FRMD3: variants seen among roughly 807,000 people sequenced by gnomAD.
FRMD3 encodes FERM domain-containing protein 3.
A neutral mutation model predicts 70.2 loss-of-function variants in FRMD3; 33 were observed. That is an observed-to-expected ratio of 0.47 (90% CI 0.36 to 0.63). The LOEUF (loss-of-function observed/expected upper bound fraction) is 0.63, where lower values mean the gene tolerates loss of function less well. Among genes scored for constraint, FRMD3 ranks in the 20% least tolerant of loss-of-function variants. FRMD3 has a pLI of 0.00. For synonymous variants in FRMD3, 279 were observed against 255.9 expected (o/e 1.09, Z -0.86); for missense variants, 632 against 711.4 (o/e 0.89, Z 1.27).
At chr9:83,325,693 T>A (rs930254700) in intron 6 of FRMD3, among the ~76,000 whole-genome samples, 1 of 152,144 alleles carries the variant, frequency 6.6e-6, no homozygotes, top group Non-Finnish European at 1.5e-5. Context: ...ATAAGGCAAT[T>A]CACTCCAGGT....
chr9:83,502,445 A>C (rs1829089694), intron 1 of FRMD3, among the ~76,000 whole-genome samples: 1 of 152,224 alleles, frequency 6.6e-6, no homozygotes, highest in Non-Finnish European at 1.5e-5. Context: ...ATTTTATGAA[A>C]AGAAATGAGT....
intron 1 of FRMD3, among the ~76,000 whole-genome samples, chr9:83,438,087 T>C (rs937449448): frequency 7.9e-5 from 12 of 152,120 alleles, no homozygotes; most frequent in Admixed American, 3.9e-4. Flanking sequence ...GGCTAAAAAT[T>C]TCTGCTAAAT....
chr9:83,336,179 A>G (rs1354906902), intron 5 of FRMD3, among the ~76,000 whole-genome samples: 1 of 152,162 alleles, frequency 6.6e-6, no homozygotes, highest in Non-Finnish European at 1.5e-5. Context: ...CTGAGAGGGT[A>G]GCTTTTAATT....
At chr9:83,574,594 C>T in the FRMD3 span, among the ~76,000 whole-genome samples, 1 of 152,110 alleles carries the variant, frequency 6.6e-6, no homozygotes, top group South Asian at 2.1e-4. Context: ...GAGGAATTTT[C>T]TCACCTTCTT....
chr9:83,356,271 A>ACTTTTTTTTTTTTTT (rs1824333048), intron 3 of FRMD3, among the ~76,000 whole-genome samples: 2 of 94,462 alleles, frequency 2.1e-5, no homozygotes, highest in African/African-American at 9.3e-5. Flanking sequence ...ACTCAGCAGC[A>ACTTTTTTTTTTTTTT]TTTTTTTTTT....
chr9:83,577,117 T>C, the FRMD3 span, among the ~76,000 whole-genome samples: 1,464 of 152,236 alleles, frequency 9.6e-3, 25 homozygotes, highest in African/African-American at 0.034. Flanking sequence ...TGTTGATATA[T>C]TGGAAGAATA....
At chr9:83,366,118 A>C (rs1370294999) in intron 3 of FRMD3, among the ~76,000 whole-genome samples, 1 of 152,202 alleles carries the variant, frequency 6.6e-6, no homozygotes, top group Non-Finnish European at 1.5e-5. Flanking sequence ...GACAGTACTT[A>C]AGTTTCTCTG....
intron 6 of FRMD3, among the ~76,000 whole-genome samples, chr9:83,324,642 A>G (rs1730282908): frequency 6.6e-6 from 1 of 152,234 alleles, no homozygotes; most frequent in African/African-American, 2.4e-5. Context: ...ATACATATGC[A>G]GAGCTATCTT....
intron 1 of FRMD3, among the ~76,000 whole-genome samples, chr9:83,536,922 T>C (rs1227731031): frequency 1.2e-5 from 1 of 81,512 alleles, no homozygotes; most frequent in Non-Finnish European, 2.3e-5. Context: ...GTGTGCCCTG[T>C]ATTACACTAA....
chr9:83,307,953 C>T (rs1419132816), intron 10 of FRMD3, among the ~76,000 whole-genome samples: 4 of 152,106 alleles, frequency 2.6e-5, no homozygotes, highest in Non-Finnish European at 5.9e-5. Flanking sequence ...GTAGATTTTC[C>T]GAAGGCCAAC....
Position 83,389,698 on chromosome 9 carries a change from T to C in FRMD3, c.158A>G (p.Lys53Arg), listed in dbSNP as rs145028837. 5 of 1,613,160 alleles carry C rather than the reference T, an allele frequency of 3.1e-6. No homozygotes were observed. The African/African-American group carries it at 6.7e-5, about 22-fold the overall frequency. ...EISCHIQRETKGQFLIDHICN... is the reference protein window; with the variant it reads ...EISCHIQRETRGQFLIDHICN... ...GATGTGGTCAATGAGAAACTGCCCT[T>C]TGGTTTCCCTCTGCAAAGGAAGCAC... Residue 53 changes from lysine (K) to arginine (R), a missense_variant, in exon 2 of 14, where the codon AAA (lysine) becomes AGA (arginine). This residue lies in a region of FRMD3 where 208 missense variants were observed against 247.7 expected (regional missense o/e 0.84). Coordinates refer to ENST00000304195, the MANE Select transcript of FRMD3 (RefSeq NM_174938.6).
At chr9:83,417,328 C>T (rs1826486911) in intron 1 of FRMD3, among the ~76,000 whole-genome samples, 2 of 152,148 alleles carry the variant, frequency 1.3e-5, no homozygotes, top group African/African-American at 4.8e-5. Context: ...ACCATGCCTG[C>T]TCTCAGGGAG....
intron 1 of FRMD3, among the ~76,000 whole-genome samples, chr9:83,497,592 C>T (rs1828969812): frequency 6.6e-6 from 1 of 152,232 alleles, no homozygotes; most frequent in Admixed American, 6.5e-5. Context: ...AGCCTTCTTG[C>T]AGTTGGCAGG....
At chr9:83,484,462 G>C (rs1028915240) in intron 1 of FRMD3, among the ~76,000 whole-genome samples, 1 of 152,176 alleles carries the variant, frequency 6.6e-6, no homozygotes, top group African/African-American at 2.4e-5. Context: ...CTGTCACCCA[G>C]GCTGGAGTGC....
intron 13 of FRMD3, among the ~76,000 whole-genome samples, chr9:83,256,924 G>A (rs931339058): frequency 1.9e-4 from 29 of 152,310 alleles, no homozygotes; most frequent in African/African-American, 7.0e-4. Context: ...CTGTTGGTGG[G>A]AAGGTAAATT....
chr9:83,447,415 G>C (rs1827511588), intron 1 of FRMD3, among the ~76,000 whole-genome samples: 1 of 152,202 alleles, frequency 6.6e-6, no homozygotes, highest in African/African-American at 2.4e-5. Context: ...GTTGGGGACA[G>C]GGGCCCTAGC....
intron 1 of FRMD3, among the ~76,000 whole-genome samples, chr9:83,529,241 T>C (rs1226233884): frequency 6.6e-6 from 1 of 152,198 alleles, no homozygotes; most frequent in Non-Finnish European, 1.5e-5. Flanking sequence ...GTTGCTTTTT[T>C]CAACAAATGG....
rs142129301 is a variant in FRMD3 at position 83,393,145 on chromosome 9, T to C, written c.148-3437A>G. Among the ~76,000 whole-genome samples the C allele has an allele frequency of 1.8e-4, 28 of 152,344 alleles. No individual in the cohort carries two copies. In the East Asian group the frequency reaches 5.0e-3, roughly 27 times the overall value. On this transcript the variant is annotated intron_variant, in intron 1 of 13. Transcript: ENST00000304195. ...AAATGAGGTTGTATGGTCTCAGAAA[T>C]GCACTGACAGGGTTGAAAGAATTTG...
intron 6 of FRMD3, among the ~76,000 whole-genome samples, chr9:83,320,876 C>T (rs1835775797): frequency 6.6e-6 from 1 of 152,080 alleles, no homozygotes; most frequent in Admixed American, 6.5e-5. Context: ...AGTCTCACTA[C>T]TCATTATTGG....
Sources: gnomAD v4.1 joint callset for allele counts (sites outside exome capture counted in the v4.1 genomes callset) on GRCh38, gnomAD v4.1.1 for gene constraint, gnomAD v4.1.1 regional missense constraint, MANE v1.5 for transcripts, NCBI Gene and HGNC (gene_info 2026-07-23, HGNC 2026-07-21) for gene names.